The following PHF14 variants were observed in gnomAD, a reference collection of about 807,000 sequenced individuals.
The protein encoded by PHF14 is PHD finger protein 14.
In PHF14, 55 loss-of-function variants were observed where a neutral mutation model predicts 117.9. The ratio of observed to expected loss-of-function variants is 0.47; its 90% confidence interval spans 0.38 to 0.58. The LOEUF (loss-of-function observed/expected upper bound fraction) is 0.58. Among genes scored for constraint, PHF14 ranks in the 20% least tolerant of loss-of-function variants. The pLI, the probability that PHF14 is intolerant of heterozygous loss-of-function variation, is 0.00. For synonymous variants in PHF14, 409 were observed against 368.6 expected, an observed-to-expected ratio of 1.11 and a Z score of -1.26; for missense variants, 978 against 1,122.2, an observed-to-expected ratio of 0.87 and a Z score of 1.84.
chr7:11,133,015 C>G (rs1399437051), intron 17 of PHF14, among the ~76,000 whole-genome samples: 2 of 151,624 alleles, frequency 1.3e-5, no homozygotes, highest in Non-Finnish European at 3.0e-5. Context: ...TACACAAAAC[C>G]TGTATGAGAG....
At chr7:10,992,717 A>T (rs1174518634) in intron 4 of PHF14, among the ~76,000 whole-genome samples, 1 of 152,166 alleles carries the variant, frequency 6.6e-6, no homozygotes, top group African/African-American at 2.4e-5. Context: ...CATAATTATC[A>T]AAGTCAGGAA....
At chr7:11,052,215 T>C (rs1323385562) in intron 14 of PHF14, among the ~76,000 whole-genome samples, 1 of 152,234 alleles carries the variant, frequency 6.6e-6, no homozygotes, top group Non-Finnish European at 1.5e-5. Context: ...TTGTAGGTTT[T>C]GAATTTCATA....
At chr7:11,090,215 C>A (rs990478088) in intron 16 of PHF14, among the ~76,000 whole-genome samples, 1 of 152,166 alleles carries the variant, frequency 6.6e-6, no homozygotes, top group Admixed American at 6.5e-5. Flanking sequence ...GAAAGTAATT[C>A]TTTAAGTATA....
chr7:11,066,787 TC>T (rs1785438190), intron 16 of PHF14, among the ~76,000 whole-genome samples: 1 of 152,226 alleles, frequency 6.6e-6, no homozygotes, highest in Non-Finnish European at 1.5e-5. Context: ...ATGTATTTAT[TC>T]CTGTGCCAAG....
At chr7:11,041,692 G>A (rs1273747891) in intron 12 of PHF14, among the ~76,000 whole-genome samples, 1 of 151,712 alleles carries the variant, frequency 6.6e-6, no homozygotes, top group Non-Finnish European at 1.5e-5. Context: ...ACATTCTCAG[G>A]CCAGCTTTTT....
intron 16 of PHF14, among the ~76,000 whole-genome samples, chr7:11,099,056 A>T (rs1034155129): frequency 5.1e-4 from 77 of 152,166 alleles, no homozygotes; most frequent in Non-Finnish European, 8.2e-4. Flanking sequence ...GGTTTAATTT[A>T]AAAAATATTC....
intron 16 of PHF14, among the ~76,000 whole-genome samples, chr7:11,100,401 G>A (rs1307360331): frequency 6.6e-6 from 1 of 151,930 alleles, no homozygotes; most frequent in Non-Finnish European, 1.5e-5. Context: ...TCTTACAACA[G>A]TCCTATGAGG....
At chr7:11,136,464 A>G (rs1364553855) in intron 17 of PHF14, among the ~76,000 whole-genome samples, 1 of 152,090 alleles carries the variant, frequency 6.6e-6, no homozygotes. Flanking sequence ...ATGAATCCAG[A>G]TTTTCAGAAA....
chr7:10,988,874 G>T (rs777954816), intron 3 of PHF14, among the ~76,000 whole-genome samples: 16 of 152,006 alleles, frequency 1.1e-4, no homozygotes, highest in Admixed American at 1.3e-4. Flanking sequence ...TTACAGCTTC[G>T]AGGTTCAGTA....
chr7:11,077,647 C>G (rs1785916922), intron 16 of PHF14, among the ~76,000 whole-genome samples: 1 of 147,112 alleles, frequency 6.8e-6, no homozygotes, highest in Non-Finnish European at 1.5e-5. Flanking sequence ...ACTGTATTTG[C>G]ATTTTGTGAG....
intron 9 of PHF14, 105 bp downstream of exon 9, chr7:11,036,793 A>AT: frequency 1.9e-6 from 2 of 1,075,256 alleles, no homozygotes; most frequent in Admixed American, 5.0e-5. Flanking sequence ...CATGCTGCAT[A>AT]TATCATAGAG....
chr7:11,112,825 C>T (rs1787489373), intron 17 of PHF14, among the ~76,000 whole-genome samples: 1 of 151,574 alleles, frequency 6.6e-6, no homozygotes, highest in African/African-American at 2.4e-5. Context: ...ATAATATTTG[C>T]ATATATTTTA....
Position 11,064,430 on chromosome 7 carries a change from C to T in PHF14, c.2654+2345C>T, listed in dbSNP as rs145758720. ...TATTTTCTCTACAGATATATTTCAG[C>T]GCTTACTCAGACATACGTGTATGTC... On this transcript the variant is annotated intron_variant, in intron 16 of 17. Coordinates refer to ENST00000634607, the MANE Select transcript of PHF14 (RefSeq NM_001007157.2). Among the ~76,000 whole-genome samples, 607 of 151,894 alleles carry T rather than the reference C, an allele frequency of 4.0e-3. 4 individuals carry two copies. Among genetic ancestry groups the T allele is most frequent in the African/African-American group, 0.014 (582 of 41,486 alleles).
At chr7:11,134,421 C>T (rs1397224051) in intron 17 of PHF14, among the ~76,000 whole-genome samples, 1 of 151,902 alleles carries the variant, frequency 6.6e-6, no homozygotes, top group Non-Finnish European at 1.5e-5. Flanking sequence ...TTAAAGATTT[C>T]ATGGAGTAAA....
intron 16 of PHF14, among the ~76,000 whole-genome samples, chr7:11,091,824 C>A (rs962497552): frequency 6.6e-6 from 1 of 152,116 alleles, no homozygotes; most frequent in Non-Finnish European, 1.5e-5. Flanking sequence ...AACTGTTAAA[C>A]ACTTATTCTT....
chr7:11,022,584 A>C (rs1188997579), intron 5 of PHF14, among the ~76,000 whole-genome samples: 1 of 152,184 alleles, frequency 6.6e-6, no homozygotes, highest in Non-Finnish European at 1.5e-5. Flanking sequence ...AGATAAGTGC[A>C]AAGTGCAGTG....
chr7:11,128,647 A>G (rs922538073), intron 17 of PHF14, among the ~76,000 whole-genome samples: 11 of 151,734 alleles, frequency 7.2e-5, no homozygotes, highest in Non-Finnish European at 1.5e-4. Flanking sequence ...AAGGCCATAT[A>G]TAATCTAGAC....
chr7:11,019,204 A>G (rs569397462), intron 5 of PHF14, among the ~76,000 whole-genome samples: 111 of 152,092 alleles, frequency 7.3e-4, no homozygotes, highest in African/African-American at 2.4e-3. Context: ...TCTTTTTTTG[A>G]TGTGCCTTTG....
chr7:10,995,546 G>T (rs751407908), intron 4 of PHF14, among the ~76,000 whole-genome samples: 5 of 152,144 alleles, frequency 3.3e-5, no homozygotes, highest in Admixed American at 2.0e-4. Context: ...CCCATGCCGT[G>T]TGCCCGCATT....
Sources: gnomAD v4.1 joint callset for allele counts (sites outside exome capture counted in the v4.1 genomes callset) on GRCh38, gnomAD v4.1.1 for gene constraint, MANE v1.5 for transcripts, NCBI Gene and HGNC (gene_info 2026-07-23, HGNC 2026-07-21) for gene names.